The following COL15A1 variants were observed in gnomAD, a reference collection of about 807,000 sequenced individuals.
COL15A1 encodes collagen alpha-1(XV) chain.
Under a neutral mutation model 165.9 loss-of-function variants are expected in COL15A1, and 111 were observed. The observed-to-expected ratio is 0.67, with a 90% CI of 0.57 to 0.78. The LOEUF is 0.78. COL15A1 is among the 30% of genes least tolerant of loss of function. The pLI is 0.00. For missense variants in COL15A1, 1,745 were observed against 1,789.7 expected (o/e 0.98, Z 0.45); for synonymous variants, 659 against 674.8 (o/e 0.98, Z 0.36).
chr9:99,049,795 G>A (rs1216165376), intron 29 of COL15A1, 37 bp downstream of exon 29: 2 of 1,614,112 alleles, frequency 1.2e-6, no homozygotes, highest in Non-Finnish European at 1.7e-6. Context: ...TTCCCGATTG[G>A]CCTAAGCTGG....
chr9:98,960,747 A>G (rs182086960), intron 2 of COL15A1, among the ~76,000 whole-genome samples: 8 of 152,358 alleles, frequency 5.3e-5, no homozygotes, highest in Admixed American at 5.2e-4. Flanking sequence ...CCAAGCTCTT[A>G]GCACAGTGCC....
At chr9:99,032,509 G>A (rs149793573) in intron 16 of COL15A1, among the ~76,000 whole-genome samples, 111 of 152,294 alleles carry the variant, frequency 7.3e-4, no homozygotes, top group Middle Eastern at 3.4e-3. Context: ...TTTTTTAAAT[G>A]TATTCTTTCA....
chr9:99,055,126 T>G lies in COL15A1; in HGVS notation c.3056T>G (p.Leu1019Arg), dbSNP rs77718175. 135 of 1,613,154 alleles carry G rather than the reference T, an allele frequency of 8.4e-5. No individual in the cohort carries two copies. In the East Asian group the frequency reaches 3.0e-3, roughly 35 times the overall value. Residue 1019 changes from leucine (L) to arginine (R), a missense_variant, in exon 33 of 42, where the codon CTG becomes CGG. Transcript: ENST00000375001. The stretch of plus-strand genomic sequence containing the variant: ...GGTCCTCCACTTGATCTAGCTTACC[T>G]GAGACACTTTCTGAACAACTTGAAG... ...PPGPPLDLAYLRHFLNNLKGE... is the reference protein window; with the variant it reads ...PPGPPLDLAYRRHFLNNLKGE...
Position 98,985,986 on chromosome 9 carries a change from C to T in COL15A1, c.522C>T (p.Thr174=). Residue 174 remains threonine, a synonymous_variant, in exon 3 of 42, where the codon ACC becomes ACT. Coordinates refer to ENST00000375001, the MANE Select transcript of COL15A1 (RefSeq NM_001855.5). The part of the protein sequence containing the change: ...FAMIVQGEEV[T]LLVNCEEHSR... Reference sequence around the variant, plus strand: ...TGATTGTCCAGGGTGAGGAAGTGACCCTCCTCGTGAACTGTGAGGAGCACA... The same window carrying T: ...TGATTGTCCAGGGTGAGGAAGTGACTCTCCTCGTGAACTGTGAGGAGCACA... The T allele has an allele frequency of 6.2e-7, 1 of 1,614,094 alleles. No individual in the cohort carries two copies. The highest frequency in any genetic ancestry group is 8.5e-7 in the Non-Finnish European group (1 of 1,180,016).
chr9:98,944,200 T>C lies in COL15A1; in HGVS notation c.50T>C (p.Leu17Pro). 1.2e-6 allele frequency: 2 copies of C among 1,614,012 alleles called. No individual in the cohort carries two copies. Among genetic ancestry groups the C allele is most frequent in the South Asian group, 1.1e-5 (1 of 91,068 alleles). ...CAGTGCTGGTGTCTGCTGATGCTGC[T>C]CTCGGTCTCCACGCCCCTCCCTGCT... is the stretch of plus-strand genomic sequence containing the variant. Reference protein sequence around the residue: ...NGQCWCLLMLLSVSTPLPAVT... With the variant: ...NGQCWCLLMLPSVSTPLPAVT... Residue 17 changes from leucine (L) to proline (P), a missense_variant, in exon 2 of 42, where the codon CTC (leucine) becomes CCC (proline). Leu to Pro is a moderately conservative substitution (Grantham distance 98). Transcript: ENST00000375001.
At chr9:98,987,076 G>C (rs1435406765) in intron 3 of COL15A1, among the ~76,000 whole-genome samples, 2 of 152,164 alleles carry the variant, frequency 1.3e-5, no homozygotes, top group Non-Finnish European at 2.9e-5. Flanking sequence ...GGGCCTCTCT[G>C]GCCCAGGGGT....
chr9:99,018,591 CA>C (rs1427091433), intron 11 of COL15A1, among the ~76,000 whole-genome samples: 1 of 151,980 alleles, frequency 6.6e-6, no homozygotes, highest in Non-Finnish European at 1.5e-5. Context: ...CAGTGTTGTC[CA>C]TAATAGAGAA....
intron 2 of COL15A1, among the ~76,000 whole-genome samples, chr9:98,982,464 A>C (rs961294567): frequency 9.8e-5 from 15 of 152,306 alleles, no homozygotes; most frequent in African/African-American, 3.4e-4. Context: ...ATATGTGGCT[A>C]CTGGTTATCA....
intron 35 of COL15A1, among the ~76,000 whole-genome samples, chr9:99,059,257 T>C (rs1488100910): frequency 6.6e-6 from 1 of 152,186 alleles, no homozygotes; most frequent in Non-Finnish European, 1.5e-5. Context: ...ATGCTGTACA[T>C]GTACAATTTT....
At chr9:98,977,596 G>C (rs1838160752) in intron 2 of COL15A1, among the ~76,000 whole-genome samples, 1 of 152,226 alleles carries the variant, frequency 6.6e-6, no homozygotes, top group African/African-American at 2.4e-5. Flanking sequence ...GAGCTGGGCT[G>C]CTGGGGCTGA....
intron 17 of COL15A1, 120 bp from the exon 18 acceptor site, chr9:99,034,894 G>T (rs1415875370): frequency 5.1e-6 from 5 of 974,348 alleles, no homozygotes; most frequent in South Asian, 2.7e-5. Context: ...AAGTGGTACC[G>T]ATCAGAGAAT....
rs1396181472 is a variant in COL15A1 at position 99,036,403 on chromosome 9, A to G, written c.2409+7A>G. On this transcript the variant is annotated splice_region_variant and intron_variant, in intron 21 of 41. Coordinates refer to ENST00000375001, the MANE Select transcript of COL15A1 (RefSeq NM_001855.5). ...CATCAAGGTCTTGTCTAATGTGAGT[A>G]TCATTCAGGTCAGAGCTTGTCTACA... 3 of 1,613,926 alleles carry G rather than the reference A, an allele frequency of 1.9e-6. No homozygotes were observed. The highest frequency in any genetic ancestry group is 2.2e-5 in the East Asian group (1 of 44,876).
intron 31 of COL15A1, among the ~76,000 whole-genome samples, chr9:99,052,642 T>C (rs1588535161): frequency 2.0e-5 from 3 of 152,210 alleles, no homozygotes; most frequent in Admixed American, 2.0e-4. Flanking sequence ...TCATCTTAGC[T>C]GAGCCTCCTA....
intron 2 of COL15A1, among the ~76,000 whole-genome samples, chr9:98,955,640 A>G (rs1837764789): frequency 1.3e-5 from 2 of 152,240 alleles, no homozygotes; most frequent in Non-Finnish European, 2.9e-5. Flanking sequence ...GGCACTGCCT[A>G]TAGTATGTAT....
chr9:99,047,895 G>A, intron 27 of COL15A1, 46 bp from the exon 28 acceptor site: 1 of 1,609,850 alleles, frequency 6.2e-7, no homozygotes, highest in Non-Finnish European at 8.5e-7. Context: ...GGGCCAGGCT[G>A]GTCTGTGGGC....
intron 5 of COL15A1, among the ~76,000 whole-genome samples, chr9:98,992,888 A>AG (rs549038527): frequency 2.6e-5 from 4 of 152,164 alleles, no homozygotes; most frequent in Non-Finnish European, 5.9e-5. Flanking sequence ...GTGTCAGCCA[A>AG]GGGGGGCTAT....
intron 9 of COL15A1, 95 bp from the exon 10 acceptor site, chr9:99,015,322 C>T: frequency 1.3e-6 from 1 of 794,204 alleles, no homozygotes; most frequent in Non-Finnish European, 2.2e-6. Flanking sequence ...CTCCAGTTAT[C>T]TGAGGCTTTA....
At chr9:99,050,710 A>G (rs1216398824) in intron 30 of COL15A1, among the ~76,000 whole-genome samples, 1 of 152,254 alleles carries the variant, frequency 6.6e-6, no homozygotes, top group Admixed American at 6.5e-5. Flanking sequence ...CTGGGGACAC[A>G]ACGGTGAACT....
intron 16 of COL15A1, among the ~76,000 whole-genome samples, chr9:99,032,442 C>T (rs563005010): frequency 6.6e-6 from 1 of 152,280 alleles, no homozygotes; most frequent in Non-Finnish European, 1.5e-5. Flanking sequence ...CCCACCTCAG[C>T]CTCCCAAAGT....
Sources: gnomAD v4.1 joint callset for allele counts (sites outside exome capture counted in the v4.1 genomes callset) on GRCh38, gnomAD v4.1.1 for gene constraint, MANE v1.5 for transcripts, NCBI Gene and HGNC (gene_info 2026-07-23, HGNC 2026-07-21) for gene names.